Variants in CYB5D2 observed in about 807,000 individuals in gnomAD.
The protein encoded by CYB5D2 is neuferricin.
CYB5D2 carries 23 observed loss-of-function variants against 22.8 expected under a neutral mutation model. The observed-to-expected ratio is 1.01, with a 90% CI of 0.73 to 1.43. CYB5D2 has a LOEUF of 1.43. Among genes scored for constraint, CYB5D2 ranks in the 40% most tolerant of loss-of-function variants. The probability of loss-of-function intolerance (pLI) is 0.00; values close to 1 mark genes in which losing one functional copy is unlikely to be tolerated. For missense variants in CYB5D2, 373 were observed against 357.2 expected (o/e 1.04, Z -0.36); for synonymous variants, 170 against 152.2 (o/e 1.12, Z -0.86).
chr17:4,144,666 A>T (rs1383832902), intron 1 of CYB5D2, among the ~76,000 whole-genome samples: 1 of 152,200 alleles, frequency 6.6e-6, no homozygotes, highest in Non-Finnish European at 1.5e-5. Context: ...GGCCTCAAGA[A>T]ACATTTGTCA....
rs1049659512 is a variant in CYB5D2, at chr17:4,143,772, G to A, written c.17G>A (p.Gly6Asp). The A allele has an allele frequency of 3.7e-6, 6 of 1,613,778 alleles. No homozygotes were observed. The highest frequency in any genetic ancestry group is 4.2e-6 in the Non-Finnish European group (5 of 1,179,926). Residue 6 changes from glycine to aspartate, a missense_variant, in exon 1 of 4, where the codon GGC becomes GAC. Coordinates refer to ENST00000301391, the MANE Select transcript of CYB5D2 (RefSeq NM_144611.4). ...CCTATATAGATGTTGAGGTGCGGAGGCCGTGGGCTTTTGTTGGGCCTGGCT... is the reference window on the plus strand; with the variant it reads ...CCTATATAGATGTTGAGGTGCGGAGACCGTGGGCTTTTGTTGGGCCTGGCT... MLRCG[G>D]RGLLLGLAVA...
rs1435277695 is a variant in CYB5D2 at position 4,149,884 on chromosome 17, GT to G, written c.251-5del. 1 of 1,612,940 alleles carries G rather than the reference GT, an allele frequency of 6.2e-7. No individual in the cohort carries two copies. The highest frequency in any genetic ancestry group is 1.1e-5 in the South Asian group (1 of 91,036). On this transcript the variant is annotated splice_polypyrimidine_tract_variant and splice_region_variant and intron_variant, in intron 1 of 3. Coordinates refer to ENST00000301391, the MANE Select transcript of CYB5D2 (RefSeq NM_144611.4). ...ACCTGGGTCTGATGGAAACATCTCT[GT>G]TCCAGGCCGAGACGCATCCAGAGCT...
At chr17:4,151,505 T>C (rs2059057294) in intron 2 of CYB5D2, among the ~76,000 whole-genome samples, 1 of 151,792 alleles carries the variant, frequency 6.6e-6, no homozygotes, top group African/African-American at 2.4e-5. Flanking sequence ...CTGGCCAACA[T>C]GGTGAAACCC....
At position 4,154,672 on chromosome 17, in the gene CYB5D2, A is replaced by T; in HGVS notation, c.392-2A>T. ...CTCACATCTGCCTTCCTGTCATCAC[A>T]GGGAGGGTGACAGGACGGTTCTACG... On this transcript the variant is annotated splice_acceptor_variant, in intron 2 of 3. Coordinates refer to ENST00000301391, the MANE Select transcript of CYB5D2 (RefSeq NM_144611.4). LOFTEE classifies it high-confidence loss of function. The T allele has an allele frequency of 6.2e-7, 1 of 1,612,934 alleles. No individual in the cohort carries two copies. Among genetic ancestry groups the T allele is most frequent in the Non-Finnish European group, 8.5e-7 (1 of 1,179,378 alleles).
chr17:4,145,331 T>C (rs2058976733), intron 1 of CYB5D2, among the ~76,000 whole-genome samples: 2 of 152,130 alleles, frequency 1.3e-5, no homozygotes, highest in African/African-American at 2.4e-5. Flanking sequence ...AGGAATGAAG[T>C]CCAGTTGGTC....
chr17:4,149,225 G>T (rs1269789205), intron 1 of CYB5D2, among the ~76,000 whole-genome samples: 1 of 152,174 alleles, frequency 6.6e-6, no homozygotes, highest in Non-Finnish European at 1.5e-5. Flanking sequence ...TTTGCCTGTA[G>T]GTGGGCTTTG....
Position 4,143,682 on chromosome 17 carries a change from C to T in CYB5D2, c.-74C>T, listed in dbSNP as rs930748085. On this transcript the variant is annotated 5_prime_UTR_variant, in exon 1 of 4. Coordinates refer to ENST00000301391, the MANE Select transcript of CYB5D2 (RefSeq NM_144611.4). ...GAGCGCGCGCGCCGATGACGTCACG[C>T]TCGGCGTCTCGGCCATCTTAGCTGT... is the stretch of plus-strand genomic sequence containing the variant. 4.6e-6 allele frequency: 7 copies of T among 1,521,748 alleles called. No individual in the cohort carries two copies. Among genetic ancestry groups the T allele is most frequent in the African/African-American group, 1.4e-5 (1 of 71,972 alleles). 94.3% of individuals were successfully genotyped at this position (1,521,748 alleles called of 1,614,324 possible).
At chr17:4,146,573 G>C (rs2058994283) in intron 1 of CYB5D2, among the ~76,000 whole-genome samples, 1 of 151,946 alleles carries the variant, frequency 6.6e-6, no homozygotes, top group Non-Finnish European at 1.5e-5. Context: ...TGTATTTTTA[G>C]TAGAGACGGG....
In CYB5D2 at chr17:4,157,174, CG is replaced by C. The variant is rs1400759569; in HGVS notation, c.*93del. The C allele has an allele frequency of 1.4e-5, 19 of 1,399,170 alleles. No homozygotes were observed. Among genetic ancestry groups the C allele is most frequent in the Non-Finnish European group, 1.8e-5 (18 of 1,015,148 alleles). The allele number at this position is 1,399,170 out of a possible 1,614,324, so 86.7% of individuals were successfully genotyped here. A position where few individuals can be genotyped will look rare whatever the true frequency, so the allele number is the denominator to read the frequency against. ...TTGTGTGCCCTGGGATGCCTCCTGG[CG>C]CGAATCAGGAGGGTCTGGAAGGACT... On this transcript the variant is annotated 3_prime_UTR_variant, in exon 4 of 4. Coordinates refer to ENST00000301391, the MANE Select transcript of CYB5D2 (RefSeq NM_144611.4). The surrounding 1 kb of genome is among the most constrained non-coding windows in gnomAD (Gnocchi z 4.4).
chr17:4,156,550 C>T (rs898462498), intron 3 of CYB5D2, among the ~76,000 whole-genome samples: 5 of 152,254 alleles, frequency 3.3e-5, no homozygotes, highest in South Asian at 4.1e-4. Flanking sequence ...AGCCCTTTCA[C>T]AGCTGTTGCC....
intron 3 of CYB5D2, among the ~76,000 whole-genome samples, chr17:4,155,438 C>CA (rs1567891886): frequency 6.6e-6 from 1 of 151,716 alleles, no homozygotes; most frequent in African/African-American, 2.4e-5. Context: ...GGCAACATAA[C>CA]AAAAAAACAG....
In CYB5D2 at chr17:4,143,978, C is replaced by T. The variant is rs1436354893; in HGVS notation, c.223C>T (p.Pro75Ser). Residue 75 changes from proline (P) to serine (S), a missense_variant, in exon 1 of 4, where the codon CCT (proline) becomes TCT (serine). Physicochemically the swap from Pro to Ser is moderately conservative, Grantham distance 74. Transcript: ENST00000301391. ...DVSSGRRHYE[P>S]GSHYSGFAGR... ...GTCCTCCGGCCGGAGGCACTACGAG[C>T]CTGGGTCCCACTATAGCGGCTTCGC... is the stretch of plus-strand genomic sequence containing the variant. 5.6e-6 allele frequency: 9 copies of T among 1,611,014 alleles called. No homozygotes were observed. The highest frequency in any genetic ancestry group is 7.6e-6 in the Non-Finnish European group (9 of 1,179,118).
At chr17:4,151,704 A>AG (rs1205430033) in intron 2 of CYB5D2, among the ~76,000 whole-genome samples, 2 of 151,808 alleles carry the variant, frequency 1.3e-5, no homozygotes, top group African/African-American at 2.4e-5. Flanking sequence ...AAGAAAAAAA[A>AG]GAAAAAGAAT....
intron 2 of CYB5D2, among the ~76,000 whole-genome samples, chr17:4,152,439 A>G (rs2059068597): frequency 6.6e-6 from 1 of 152,244 alleles, no homozygotes; most frequent in Non-Finnish European, 1.5e-5. Context: ...TTGGCAGCCA[A>G]CATGGCCAGG....
intron 1 of CYB5D2, among the ~76,000 whole-genome samples, chr17:4,145,674 T>G (rs2058982284): frequency 6.6e-6 from 1 of 152,200 alleles, no homozygotes; most frequent in Non-Finnish European, 1.5e-5. Flanking sequence ...TGCAACATGC[T>G]CCCCACCGCC....
intron 2 of CYB5D2, chr17:4,151,090 A>G (rs944162100): frequency 6.6e-6 from 1 of 152,166 alleles, no homozygotes; most frequent in African/African-American, 2.4e-5. Context: ...TGCTTGAGTT[A>G]CCTTTTCTGA....
chr17:4,157,242 G>T lies in CYB5D2; in HGVS notation c.*160G>T, dbSNP rs1300539902. 2.4e-6 allele frequency: 2 copies of T among 837,160 alleles called. No individual in the cohort carries two copies. Among genetic ancestry groups the T allele is most frequent in the Non-Finnish European group, 3.7e-6 (2 of 542,612 alleles). The allele number at this position is 837,160 out of a possible 1,614,324, so 51.9% of individuals were successfully genotyped here. A position where few individuals can be genotyped will look rare whatever the true frequency, so the allele number is the denominator to read the frequency against. ...AATGTGGCTCATGCCCCTTACCGTG[G>T]CTCGGCGTTGTGGTGCCTGAGGGAC... On this transcript the variant is annotated 3_prime_UTR_variant, in exon 4 of 4. Coordinates refer to ENST00000301391, the MANE Select transcript of CYB5D2 (RefSeq NM_144611.4). The surrounding 1 kb of genome is among the most constrained non-coding windows in gnomAD (Gnocchi z 4.4).
chr17:4,149,599 C>T (rs1283579888), intron 1 of CYB5D2, among the ~76,000 whole-genome samples: 1 of 152,090 alleles, frequency 6.6e-6, no homozygotes, highest in Non-Finnish European at 1.5e-5. Context: ...GAGGTCAGGA[C>T]AAGCCTGGCC....
intron 1 of CYB5D2, among the ~76,000 whole-genome samples, chr17:4,148,359 A>G (rs1449328025): frequency 6.6e-6 from 1 of 152,100 alleles, no homozygotes; most frequent in Non-Finnish European, 1.5e-5. Context: ...TCTGCTAAAA[A>G]TACAAAAATT....
Sources: gnomAD v4.1 joint callset for allele counts (sites outside exome capture counted in the v4.1 genomes callset) on GRCh38, gnomAD v4.1.1 for gene constraint, Gnocchi (gnomAD v3.1) non-coding constraint, MANE v1.5 for transcripts, NCBI Gene and HGNC (gene_info 2026-07-23, HGNC 2026-07-21) for gene names.